Variants in FANCC observed in about 807,000 individuals in gnomAD.
The protein encoded by FANCC is FA complementation group C.
Under a neutral mutation model 71.3 loss-of-function variants are expected in FANCC, and 55 were observed. That is an observed-to-expected ratio of 0.77 (90% confidence interval 0.62 to 0.97). The LOEUF (loss-of-function observed/expected upper bound fraction) is 0.97. Ranked by LOEUF, FANCC falls within the 50% of genes least tolerant of loss-of-function variation. FANCC has a pLI of 0.00. For missense variants in FANCC, 678 were observed against 670.9 expected, an observed-to-expected ratio of 1.01 and a Z score of -0.12; for synonymous variants, 275 against 244.9, an observed-to-expected ratio of 1.12 and a Z score of -1.15.
chr9:95,177,384 T>C (rs1170640764), intron 4 of FANCC, among the ~76,000 whole-genome samples: 2 of 152,122 alleles, frequency 1.3e-5, no homozygotes, highest in African/African-American at 4.8e-5. Flanking sequence ...GGTGAGTAAA[T>C]GGGGAGTGAA....
intron 4 of FANCC, among the ~76,000 whole-genome samples, chr9:95,213,032 C>T (rs1252075360): frequency 1.3e-5 from 2 of 152,180 alleles, no homozygotes; most frequent in African/African-American, 2.4e-5. Context: ...AAGTTACACA[C>T]TGAATTTCAA....
rs1224625808 is a variant in FANCC at position 95,107,244 on chromosome 9, T to C, written c.1355A>G (p.His452Arg). Residue 452 changes from histidine (H) to arginine (R), a missense_variant, in exon 14 of 15, where the codon CAC becomes CGC. Physicochemically the swap from His to Arg is conservative, Grantham distance 29 (BLOSUM62 0). Transcript: ENST00000289081. ...GCTGCTTCTGGACATTGCCAGGAGG[T>C]GGCCCAGCACGGCCTTCACCTGGAC... Reference protein sequence around the residue: ...TMVQVKAVLGHLLAMSRSSSL... With the variant: ...TMVQVKAVLGRLLAMSRSSSL... The C allele has an allele frequency of 3.1e-6, 5 of 1,614,012 alleles. No individual in the cohort carries two copies. The highest frequency in any genetic ancestry group is 4.2e-6 in the Non-Finnish European group (5 of 1,179,990).
At chr9:95,227,526 C>T (rs1195327164) in intron 4 of FANCC, among the ~76,000 whole-genome samples, 1 of 152,162 alleles carries the variant, frequency 6.6e-6, no homozygotes, top group Non-Finnish European at 1.5e-5. Flanking sequence ...TTATTAGTCT[C>T]CTAAAACCTA....
intron 1 of FANCC, among the ~76,000 whole-genome samples, chr9:95,306,493 C>G (rs557614533): frequency 1.3e-5 from 2 of 152,300 alleles, no homozygotes; most frequent in South Asian, 4.1e-4. Flanking sequence ...GCTTCAGCCC[C>G]CCTTGGACAT....
chr9:95,252,432 A>G (rs1474731505), intron 1 of FANCC, among the ~76,000 whole-genome samples: 1 of 151,952 alleles, frequency 6.6e-6, no homozygotes, highest in Non-Finnish European at 1.5e-5. Flanking sequence ...TAAAAGAGAC[A>G]AACATTTTAT....
chr9:95,281,802 G>A (rs554741030), intron 1 of FANCC, among the ~76,000 whole-genome samples: 79 of 152,102 alleles, frequency 5.2e-4, no homozygotes, highest in African/African-American at 1.9e-3. Context: ...TGGAGTTAAA[G>A]AGTATTTTCT....
intron 1 of FANCC, among the ~76,000 whole-genome samples, chr9:95,312,955 G>A (rs1290913154): frequency 6.6e-6 from 1 of 152,206 alleles, no homozygotes; most frequent in African/African-American, 2.4e-5. Flanking sequence ...AGGGCGCCAG[G>A]AAAAGTGTTC....
intron 4 of FANCC, among the ~76,000 whole-genome samples, chr9:95,216,042 T>G (rs933019833): frequency 6.6e-6 from 1 of 152,198 alleles, no homozygotes; most frequent in South Asian, 2.1e-4. Flanking sequence ...TTTTAAATAT[T>G]AGATGAAAAA....
At chr9:95,192,797 C>T (rs1008165907) in intron 4 of FANCC, among the ~76,000 whole-genome samples, 2 of 152,166 alleles carry the variant, frequency 1.3e-5, no homozygotes, top group African/African-American at 4.8e-5. Flanking sequence ...CAGCTTTTTC[C>T]TATACGGTTT....
At position 95,243,113 on chromosome 9, in the gene FANCC, T is replaced by C. The variant is rs571592284; in HGVS notation, c.251-2370A>G. On this transcript the variant is annotated intron_variant, in intron 3 of 14. Transcript: ENST00000289081. ...AAACTTTAATTCTATAGTTTAAAAG[T>C]ATGAAGGCAGCAAATTTTTAAGACA... 2.0e-5 allele frequency among the ~76,000 whole-genome samples: 3 copies of C among 152,370 alleles called. No individual in the cohort carries two copies. The East Asian group carries it at 5.8e-4, about 29-fold the overall frequency.
At chr9:95,200,694 C>A (rs1391986351) in intron 4 of FANCC, among the ~76,000 whole-genome samples, 2 of 152,128 alleles carry the variant, frequency 1.3e-5, no homozygotes, top group African/African-American at 4.8e-5. Context: ...TATGAATTTG[C>A]TTCAAAATTT....
chr9:95,214,858 T>C (rs1235469433), intron 4 of FANCC, among the ~76,000 whole-genome samples: 1 of 152,126 alleles, frequency 6.6e-6, no homozygotes, highest in African/African-American at 2.4e-5. Flanking sequence ...AAATGGAGAA[T>C]TACTGTTGAA....
chr9:95,113,830 G>T (rs535428639), intron 12 of FANCC: 1 of 152,322 alleles, frequency 6.6e-6, no homozygotes, highest in South Asian at 2.1e-4. Context: ...CACCGTGTTA[G>T]CCAGGATGGT....
intron 1 of FANCC, chr9:95,293,456 T>C: frequency 6.4e-7 from 1 of 1,570,894 alleles, no homozygotes; most frequent in Non-Finnish European, 8.6e-7. Context: ...TCTAAATTGC[T>C]GATCCTGTTG....
intron 6 of FANCC, among the ~76,000 whole-genome samples, chr9:95,160,303 G>T (rs1482052207): frequency 1.3e-5 from 2 of 152,110 alleles, no homozygotes; most frequent in Admixed American, 1.3e-4. Context: ...CCCATTTCTT[G>T]CTTTTGTCAG....
At chr9:95,130,299 T>TGAGAGA (rs3030652) in intron 8 of FANCC, among the ~76,000 whole-genome samples, 27 of 149,192 alleles carry the variant, frequency 1.8e-4, no homozygotes, top group Admixed American at 4.7e-4. Context: ...TGTGTGTGTG[T>TGAGAGA]GAGAGAGAGA....
chr9:95,310,380 AAGG>A (rs1340965465), intron 1 of FANCC, among the ~76,000 whole-genome samples: 1 of 151,928 alleles, frequency 6.6e-6, no homozygotes, highest in African/African-American at 2.4e-5. Flanking sequence ...AAAAAAAAAA[AAGG>A]AGGGGGGGAA....
chr9:95,211,012 G>A (rs1172761204), intron 4 of FANCC, among the ~76,000 whole-genome samples: 1 of 152,086 alleles, frequency 6.6e-6, no homozygotes, highest in East Asian at 1.9e-4. Context: ...TTTTTTCAAA[G>A]GATTTTAAAG....
intron 1 of FANCC, among the ~76,000 whole-genome samples, chr9:95,288,909 A>G (rs991355775): frequency 1.1e-4 from 16 of 152,052 alleles, no homozygotes; most frequent in Admixed American, 1.0e-3. Flanking sequence ...CAGCTCAGTT[A>G]ACAGTGAGAC....
Sources: allele counts gnomAD v4.1 joint callset (sites outside exome capture counted in the v4.1 genomes callset), GRCh38; gene constraint gnomAD v4.1.1; transcripts MANE v1.5; gene names NCBI Gene and HGNC (gene_info 2026-07-23, HGNC 2026-07-21).